Variants in PRKG1 observed in about 807,000 individuals in gnomAD.
The protein encoded by PRKG1 is protein kinase cGMP-dependent 1, also known as cGMP-dependent protein kinase 1.
Under a neutral mutation model 88.1 loss-of-function variants are expected in PRKG1, and 35 were observed. The observed-to-expected ratio is 0.40, with a 90% CI of 0.30 to 0.53. The LOEUF (loss-of-function observed/expected upper bound fraction) is 0.53, where lower values mean the gene tolerates loss of function less well. Ranked by LOEUF, PRKG1 falls within the 20% of genes least tolerant of loss-of-function variation. PRKG1 has a pLI of 0.59. For missense variants in PRKG1, 540 were observed against 839.8 expected (o/e 0.64, Z 4.41); for synonymous variants, 303 against 292.5 (o/e 1.04, Z -0.37).
intron 2 of PRKG1, among the ~76,000 whole-genome samples, chr10:51,290,537 A>C (rs1840557639): frequency 6.6e-6 from 1 of 152,206 alleles, no homozygotes; most frequent in Non-Finnish European, 1.5e-5. Flanking sequence ...CTTAGCTCTC[A>C]AATCTATGAT....
intron 8 of PRKG1, among the ~76,000 whole-genome samples, chr10:52,153,701 A>G: frequency 6.6e-6 from 1 of 152,198 alleles, no homozygotes; most frequent in East Asian, 1.9e-4. Flanking sequence ...GTGATTTTAA[A>G]GTAGTATCAG....
chr10:51,298,693 T>G (rs1840788687), intron 2 of PRKG1, among the ~76,000 whole-genome samples: 1 of 152,232 alleles, frequency 6.6e-6, no homozygotes, highest in Admixed American at 6.5e-5. Flanking sequence ...AAACATTAGA[T>G]GGATGAAAGA....
At chr10:51,101,183 A>G (rs1406499605) in intron 1 of PRKG1, among the ~76,000 whole-genome samples, 3 of 152,148 alleles carry the variant, frequency 2.0e-5, no homozygotes, top group Non-Finnish European at 4.4e-5. Context: ...GGAGATTATT[A>G]AGGTTAAATG....
chr10:51,926,095 C>T (rs936752254), intron 5 of PRKG1, among the ~76,000 whole-genome samples: 2 of 152,010 alleles, frequency 1.3e-5, no homozygotes, highest in African/African-American at 4.8e-5. Flanking sequence ...ATGGTAGCAT[C>T]ACAAAAATCA....
chr10:51,214,412 C>A (rs569108193), intron 2 of PRKG1, among the ~76,000 whole-genome samples: 59 of 152,256 alleles, frequency 3.9e-4, no homozygotes, highest in Non-Finnish European at 7.1e-4. Context: ...ATTATCTGTA[C>A]TTTGTATGGG....
At position 50,991,751 on chromosome 10, in the gene PRKG1, T is replaced by A; in HGVS notation, c.266+107T>A. On this transcript the variant is annotated intron_variant, in intron 1 of 17. Coordinates refer to the PRKG1 transcript ENST00000401604. This position sits in a 1 kb window ranked among gnomAD's most constrained non-coding sequence, Gnocchi z 4.5. ...CGGGTCGGCCCAGGGCGCCCCCTGC[T>A]CGCTGCGGCGCGCGGAGTGGGGGTG... 1.1e-6 allele frequency: 1 copy of A among 877,830 alleles called. No individual in the cohort carries two copies. Among genetic ancestry groups the A allele is most frequent in the Non-Finnish European group, 1.4e-6 (1 of 718,974 alleles). The allele number at this position is 877,830 out of a possible 1,614,324, so 54.4% of individuals were successfully genotyped here. A position where few individuals can be genotyped will look rare whatever the true frequency, so the allele number is the denominator to read the frequency against.
At chr10:51,533,431 T>A (rs1274654582) in intron 3 of PRKG1, among the ~76,000 whole-genome samples, 2 of 152,202 alleles carry the variant, frequency 1.3e-5, no homozygotes. Flanking sequence ...ACTAAGTCCC[T>A]GACCCTCAAG....
At chr10:51,687,059 T>C (rs1043865053) in intron 3 of PRKG1, among the ~76,000 whole-genome samples, 12 of 152,184 alleles carry the variant, frequency 7.9e-5, no homozygotes, top group African/African-American at 2.9e-4. Flanking sequence ...GATGGTTTGA[T>C]GTCACCACTT....
chr10:51,799,127 G>A (rs1191880344), intron 3 of PRKG1, among the ~76,000 whole-genome samples: 2 of 151,842 alleles, frequency 1.3e-5, no homozygotes, highest in Non-Finnish European at 2.9e-5. Context: ...CTCTATTTCT[G>A]ACTCTGTCTC....
chr10:51,377,591 C>T (rs1050840119), intron 2 of PRKG1, among the ~76,000 whole-genome samples: 8 of 151,224 alleles, frequency 5.3e-5, no homozygotes, highest in Non-Finnish European at 1.2e-4. Context: ...TGTGTTTATC[C>T]CACATGGTGT....
intron 3 of PRKG1, among the ~76,000 whole-genome samples, chr10:51,632,536 G>T (rs1477958265): frequency 1.3e-5 from 2 of 152,138 alleles, no homozygotes; most frequent in Non-Finnish European, 2.9e-5. Flanking sequence ...TCTTACATTA[G>T]CATCCATTCT....
At chr10:51,783,887 C>T (rs577361288) in intron 3 of PRKG1, among the ~76,000 whole-genome samples, 1 of 152,122 alleles carries the variant, frequency 6.6e-6, no homozygotes, top group African/African-American at 2.4e-5. Flanking sequence ...GTGATGTGAA[C>T]TTGTTTCATT....
rs558760156 is a variant in PRKG1, at chr10:51,151,780, T to C, written c.312-1384T>C. ...ATTGTTTTTATTTTTATGTGTATCT[T>C]TGCACTACTTAAAACTGAATTATTA... On this transcript the variant is annotated intron_variant, in intron 1 of 17. Transcript: ENST00000373980. 1.5e-3 allele frequency among the ~76,000 whole-genome samples: 232 copies of C among 152,104 alleles called. 1 individual carries two copies. Among genetic ancestry groups the C allele is most frequent in the Non-Finnish European group, 2.4e-3 (166 of 67,942 alleles).
intron 2 of PRKG1, among the ~76,000 whole-genome samples, chr10:51,165,966 C>G (rs1043197386): frequency 6.6e-6 from 1 of 151,730 alleles, no homozygotes; most frequent in African/African-American, 2.4e-5. Flanking sequence ...AAGCCATTCA[C>G]ACATACTCAC....
chr10:51,245,093 T>C (rs1839255619), intron 2 of PRKG1: 1 of 152,158 alleles, frequency 6.6e-6, no homozygotes, highest in Admixed American at 6.6e-5. Flanking sequence ...GCAACAGGAA[T>C]GTGGCAAGCA....
intron 7 of PRKG1, among the ~76,000 whole-genome samples, chr10:52,078,142 C>A (rs774474658): frequency 6.6e-6 from 1 of 152,166 alleles, no homozygotes; most frequent in Non-Finnish European, 1.5e-5. Context: ...GGTTTTCTAC[C>A]GCCTACATCC....
chr10:51,982,388 C>T (rs546691749), intron 5 of PRKG1, among the ~76,000 whole-genome samples: 1 of 152,326 alleles, frequency 6.6e-6, no homozygotes, highest in South Asian at 2.1e-4. Flanking sequence ...AGAAGACACT[C>T]AGGCTTTCTG....
intron 3 of PRKG1, among the ~76,000 whole-genome samples, chr10:51,664,873 T>C (rs1176813529): frequency 6.6e-6 from 1 of 152,196 alleles, no homozygotes; most frequent in African/African-American, 2.4e-5. Context: ...TTTGAGAGGA[T>C]GTCAGTGGAC....
chr10:51,729,986 G>A lies in PRKG1; in HGVS notation c.593-74599G>A, dbSNP rs566621372. Among the ~76,000 whole-genome samples, 19 of 152,168 alleles carry A rather than the reference G, an allele frequency of 1.2e-4. No individual in the cohort carries two copies. In the East Asian group the frequency reaches 3.5e-3, roughly 28 times the overall value. On this transcript the variant is annotated intron_variant, in intron 3 of 17. Coordinates refer to ENST00000373980, the MANE Select transcript of PRKG1 (RefSeq NM_006258.4). ...CCTCCCACACCACGGTGGTACGTTCGTTACAACTGTGAACCTATATTGACC... is the reference window on the plus strand; with the variant it reads ...CCTCCCACACCACGGTGGTACGTTCATTACAACTGTGAACCTATATTGACC...
Sources: allele counts gnomAD v4.1 joint callset (sites outside exome capture counted in the v4.1 genomes callset), GRCh38; gene constraint gnomAD v4.1.1; non-coding constraint Gnocchi (gnomAD v3.1); transcripts MANE v1.5; gene names NCBI Gene and HGNC (gene_info 2026-07-23, HGNC 2026-07-21).